PFKP: variants seen among roughly 807,000 people sequenced by gnomAD.
PFKP encodes ATP-dependent 6-phosphofructokinase, platelet type.
PFKP carries 101 observed loss-of-function variants against 94.3 expected under a neutral mutation model. That is an observed-to-expected ratio of 1.07 (90% CI 0.91 to 1.26). PFKP has a LOEUF of 1.26. Ranked by LOEUF, PFKP falls within the 50% of genes most tolerant of loss-of-function variation. The pLI is 0.00. For missense variants in PFKP, 1,145 were observed against 1,103.3 expected (o/e 1.04, Z -0.53); for synonymous variants, 573 against 432.6 (o/e 1.32, Z -4.03).
chr10:3,079,473 A>T (rs1832857345), intron 1 of PFKP, among the ~76,000 whole-genome samples: 2 of 151,880 alleles, frequency 1.3e-5, no homozygotes. Context: ...TGACCTCGTG[A>T]TCTGCCCACC....
rs148466547 is a variant in PFKP, at chr10:3,134,657, G to C, written c.2122+75G>C. 17 of 930,706 alleles carry C rather than the reference G, an allele frequency of 1.8e-5. 1 individual carries two copies. The East Asian group carries it at 3.8e-4, about 21-fold the overall frequency. The allele number at this position is 930,706 out of a possible 1,614,324, so 57.7% of individuals were successfully genotyped here. On this transcript the variant is annotated intron_variant, in intron 20 of 21. Transcript: ENST00000381125. ...GCCTTGGTGAAAATGCTGTCCTATCGGGGAGAAGTAGGGTGCTGGTTCCTT... is the reference window on the plus strand; with the variant it reads ...GCCTTGGTGAAAATGCTGTCCTATCCGGGAGAAGTAGGGTGCTGGTTCCTT...
chr10:3,136,061 C>A (rs147140633), intron 21 of PFKP, among the ~76,000 whole-genome samples: 5 of 152,098 alleles, frequency 3.3e-5, no homozygotes, highest in Admixed American at 2.6e-4. Context: ...GTCAAGAGAT[C>A]GAGACCAACC....
rs938484103 is a variant in PFKP at position 3,125,592 on chromosome 10, A to AG, written c.1684-4223dup. ...GGGCCAGCTGTGGGAGCCTGCAGGA[A>AG]GGGGTGTAAATGCCCGGTAAGTACG... On this transcript the variant is annotated intron_variant, in intron 16 of 21. Coordinates refer to ENST00000381125, the MANE Select transcript of PFKP (RefSeq NM_002627.5). Among the ~76,000 whole-genome samples the AG allele has an allele frequency of 6.0e-5, 9 of 149,246 alleles. No homozygotes were observed. The Admixed American group carries it at 6.1e-4, about 10-fold the overall frequency.
intron 16 of PFKP, chr10:3,124,997 C>G (rs1054628818): frequency 3.7e-5 from 36 of 980,492 alleles, no homozygotes; most frequent in Non-Finnish European, 3.8e-6. Flanking sequence ...CCCCTGGTGA[C>G]TCAGTCCCCT....
At chr10:3,077,015 C>T (rs766688329) in intron 1 of PFKP, among the ~76,000 whole-genome samples, 9 of 152,234 alleles carry the variant, frequency 5.9e-5, no homozygotes, top group East Asian at 3.9e-4. Flanking sequence ...GAGATCAGCG[C>T]GGTGTAAGCT....
chr10:3,113,584 G>T, intron 13 of PFKP, 66 bp downstream of exon 13: 5 of 1,423,956 alleles, frequency 3.5e-6, no homozygotes, highest in Non-Finnish European at 3.8e-6. Context: ...ACGTGGCGGC[G>T]GGGGGGTGCC....
intron 2 of PFKP, among the ~76,000 whole-genome samples, chr10:3,098,607 A>C (rs1444475147): frequency 7.0e-6 from 1 of 143,192 alleles, no homozygotes; most frequent in Non-Finnish European, 1.5e-5. Flanking sequence ...CCCGGGAGGC[A>C]GGTTGCAGTG....
intron 20 of PFKP, among the ~76,000 whole-genome samples, chr10:3,135,495 C>T (rs903848087): frequency 2.4e-4 from 37 of 152,188 alleles, no homozygotes; most frequent in African/African-American, 8.7e-4. Flanking sequence ...AAAATTCTCT[C>T]CACTGGGAGG....
At chr10:3,122,813 A>C (rs1292090836) in intron 16 of PFKP, among the ~76,000 whole-genome samples, 4 of 152,300 alleles carry the variant, frequency 2.6e-5, no homozygotes, top group African/African-American at 4.8e-5. Flanking sequence ...ATTTTGCCCC[A>C]GGGGATGTTT....
chr10:3,116,147 T>TATATATAC (rs555448587), intron 13 of PFKP, among the ~76,000 whole-genome samples: 1 of 152,090 alleles, frequency 6.6e-6, no homozygotes, highest in African/African-American at 2.4e-5. Context: ...TATATATATA[T>TATATATAC]ACATACACAC....
chr10:3,133,167 A>C (rs1838793008), intron 18 of PFKP, 36 bp from the exon 19 acceptor site: 1 of 1,518,342 alleles, frequency 6.6e-7, no homozygotes, highest in Non-Finnish European at 9.1e-7. Flanking sequence ...TGCCCACTGC[A>C]CGCTAAACAA....
intron 1 of PFKP, chr10:3,068,603 C>G (rs1831920344): frequency 2.2e-6 from 2 of 928,080 alleles, no homozygotes; most frequent in African/African-American, 1.8e-5. Context: ...GCTGGGCCCA[C>G]GGACGCGGGC....
At chr10:3,129,787 G>A in intron 16 of PFKP, 32 bp from the exon 17 acceptor site, 1 of 1,611,300 alleles carries the variant, frequency 6.2e-7, no homozygotes, top group Non-Finnish European at 8.5e-7. Context: ...CCGGGCCTGG[G>A]CTGGAGTGAC....
Position 3,133,311 on chromosome 10 carries a change from G to A in PFKP, c.2019G>A (p.Gln673=). The change falls in exon 19 of 22, where the codon CAG becomes CAA. Residue 673 remains glutamine (Q), a synonymous_variant. Coordinates refer to ENST00000381125, the MANE Select transcript of PFKP (RefSeq NM_002627.5). ...DCRKNVLGHM[Q]QGGAPSPFDR... ...GGAAGAACGTGCTGGGTCACATGCA[G>A]CAGGTAGGCCCGAGACTGCATGAGG... The A allele has an allele frequency of 6.2e-7, 1 of 1,605,092 alleles. No individual in the cohort carries two copies. The highest frequency in any genetic ancestry group is 8.5e-7 in the Non-Finnish European group (1 of 1,171,768).
chr10:3,109,493 C>A lies in PFKP; in HGVS notation c.1089+13C>A. 6.2e-7 allele frequency: 1 copy of A among 1,601,378 alleles called. No individual in the cohort carries two copies. The highest frequency in any genetic ancestry group is 2.2e-5 in the East Asian group (1 of 44,786). On this transcript the variant is annotated intron_variant, in intron 10 of 21. Coordinates refer to ENST00000381125, the MANE Select transcript of PFKP (RefSeq NM_002627.5). ...GTGCGTGCAGATGGTGAGTGGGCAG[C>A]CCATGGCCAAGGGCAGGGCGGAGAC...
At chr10:3,125,399 AT>A (rs147437896) in intron 16 of PFKP, 1 of 389,238 alleles carries the variant, frequency 2.6e-6, no homozygotes, top group Non-Finnish European at 4.1e-6. Flanking sequence ...ACAGGGTAAA[AT>A]TTTTTTAGCT....
intron 1 of PFKP, among the ~76,000 whole-genome samples, chr10:3,073,123 A>C (rs181104915): frequency 6.6e-6 from 1 of 151,938 alleles, no homozygotes. Flanking sequence ...AGCCAGACAC[A>C]TGGCAGACCA....
At chr10:3,076,986 G>A (rs928307070) in intron 1 of PFKP, among the ~76,000 whole-genome samples, 17 of 152,294 alleles carry the variant, frequency 1.1e-4, no homozygotes, top group Admixed American at 1.0e-3. Context: ...CCCCTAGAAG[G>A]AACTTTGGCA....
rs142694987 is a variant in PFKP at position 3,078,875 on chromosome 10, C to A, written c.113-3513C>A. ...CTCAAGGAGGACACATGAATAAAAG[C>A]CCTTTGCAATGCATGGCTCCATCCT... is the stretch of plus-strand genomic sequence containing the variant. On this transcript the variant is annotated intron_variant, in intron 1 of 21. Transcript: ENST00000381125. Among the ~76,000 whole-genome samples, 268 of 152,286 alleles carry A rather than the reference C, an allele frequency of 1.8e-3. 1 individual carries two copies. Among genetic ancestry groups the A allele is most frequent in the African/African-American group, 5.4e-3 (224 of 41,562 alleles).
Sources: gnomAD v4.1 joint callset for allele counts (sites outside exome capture counted in the v4.1 genomes callset) on GRCh38, gnomAD v4.1.1 for gene constraint, MANE v1.5 for transcripts, NCBI Gene and HGNC (gene_info 2026-07-23, HGNC 2026-07-21) for gene names.